Variants in ZC3H12B observed in about 807,000 individuals in gnomAD.
ZC3H12B encodes the protein zinc finger CCCH-type containing 12B, also known as probable ribonuclease ZC3H12B.
A neutral mutation model predicts 43.9 loss-of-function variants in ZC3H12B; 7 were observed. The ratio of observed to expected loss-of-function variants is 0.16; its 90% CI spans 0.09 to 0.30. ZC3H12B has a LOEUF of 0.30. Among genes scored for constraint, ZC3H12B ranks in the 10% least tolerant of loss-of-function variants. ZC3H12B has a pLI of 1.00. For synonymous variants in ZC3H12B, 222 were observed against 241.7 expected (o/e 0.92, Z 0.76); for missense variants, 475 against 670.2 (o/e 0.71, Z 3.22).
the ZC3H12B span, among the ~76,000 whole-genome samples, chrX:65,204,162 GC>G: frequency 9.4e-6 from 1 of 105,851 alleles, no homozygotes; most frequent in African/African-American, 4.0e-5. Context: ...CCTCTTCAGT[GC>G]CTTTTTAAGG....
At chrX:65,362,437 C>T (rs1447980357), upstream of ZC3H12B, among the ~76,000 whole-genome samples, 1 of 110,935 alleles carries the variant, frequency 9.0e-6, no homozygotes, top group Non-Finnish European at 1.9e-5. Context: ...TTTTAGTTAT[C>T]CCCACTTGCC....
chrX:65,369,950 C>T (rs187437267), intron 2 of ZC3H12B, among the ~76,000 whole-genome samples: 1 of 111,087 alleles, frequency 9.0e-6, no homozygotes, highest in Non-Finnish European at 1.9e-5. Flanking sequence ...AGGTACCTGG[C>T]CAGGCTTGGT....
At chrX:65,303,321 A>C in the ZC3H12B span, among the ~76,000 whole-genome samples, 1 of 111,663 alleles carries the variant, frequency 9.0e-6, no homozygotes, top group South Asian at 3.7e-4. Context: ...ACATGAATTT[A>C]CCTATATAAC....
At chrX:65,483,386 A>G (rs905625902) in intron 3 of ZC3H12B, among the ~76,000 whole-genome samples, 2 of 111,989 alleles carry the variant, frequency 1.8e-5, no homozygotes, top group Non-Finnish European at 3.8e-5. Flanking sequence ...ATAAAAATGG[A>G]AAGATTTGAA....
At chrX:65,264,562 A>G in the ZC3H12B span, among the ~76,000 whole-genome samples, 1 of 112,160 alleles carries the variant, frequency 8.9e-6, no homozygotes, top group Admixed American at 9.5e-5. Flanking sequence ...ATAACCAATA[A>G]TATTCATTAA....
chrX:65,173,669 A>C, the ZC3H12B span, among the ~76,000 whole-genome samples: 1 of 111,875 alleles, frequency 8.9e-6, no homozygotes, highest in African/African-American at 3.3e-5. Flanking sequence ...TTGTGCATCT[A>C]TTGAGATAAT....
the ZC3H12B span, among the ~76,000 whole-genome samples, chrX:65,339,859 C>T: frequency 2.3e-4 from 26 of 112,036 alleles, no homozygotes; most frequent in Non-Finnish European, 4.1e-4. Context: ...CCCAGGCCCA[C>T]GGCCACCCCC....
At chrX:65,302,300 A>G in the ZC3H12B span, among the ~76,000 whole-genome samples, 1 of 111,780 alleles carries the variant, frequency 8.9e-6, no homozygotes, top group Non-Finnish European at 1.9e-5. Context: ...CTTTTGAACT[A>G]AAAAGCAATT....
the ZC3H12B span, among the ~76,000 whole-genome samples, chrX:65,104,273 A>G: frequency 8.9e-6 from 1 of 112,262 alleles, no homozygotes; most frequent in African/African-American, 3.2e-5. Context: ...TTAATGCAAG[A>G]TGGATTATAG....
At chrX:65,477,930 AC>A (rs2068017092) in intron 3 of ZC3H12B, among the ~76,000 whole-genome samples, 1 of 107,442 alleles carries the variant, frequency 9.3e-6, no homozygotes, top group Non-Finnish European at 1.9e-5. Context: ...TGCCCTTCAG[AC>A]TAGGTAATCT....
At chrX:65,340,656 C>T in the ZC3H12B span, among the ~76,000 whole-genome samples, 79 of 111,952 alleles carry the variant, frequency 7.1e-4, no homozygotes, top group African/African-American at 2.3e-3. Flanking sequence ...CCTTATATCA[C>T]AATCACACCC....
At chrX:65,095,812 G>A in the ZC3H12B span, among the ~76,000 whole-genome samples, 1 of 111,010 alleles carries the variant, frequency 9.0e-6, no homozygotes, top group African/African-American at 3.3e-5. Flanking sequence ...GGATGAAATT[G>A]TGCAGCATTT....
the ZC3H12B span, among the ~76,000 whole-genome samples, chrX:65,118,048 C>G: frequency 9.0e-6 from 1 of 111,597 alleles, no homozygotes; most frequent in African/African-American, 3.3e-5. Flanking sequence ...AATGTGGGCT[C>G]TTTTTTGGTT....
the ZC3H12B span, among the ~76,000 whole-genome samples, chrX:65,181,165 TTTAA>T: frequency 2.3e-3 from 253 of 112,055 alleles, 1 homozygote; most frequent in African/African-American, 7.5e-3. Context: ...GGATTTTCTA[TTTAA>T]TTAATGGTGC....
At chrX:65,209,562 G>C in the ZC3H12B span, among the ~76,000 whole-genome samples, 1 of 105,230 alleles carries the variant, frequency 9.5e-6, no homozygotes, top group Non-Finnish European at 1.9e-5. Flanking sequence ...TATAATTTCT[G>C]TTCTTTTACA....
the ZC3H12B span, among the ~76,000 whole-genome samples, chrX:65,170,614 T>C: frequency 8.9e-6 from 1 of 112,084 alleles, no homozygotes; most frequent in Admixed American, 9.5e-5. Flanking sequence ...TCCTGGATAA[T>C]ATCCTGAAGA....
At chrX:65,353,718 A>G in the ZC3H12B span, among the ~76,000 whole-genome samples, 7 of 111,939 alleles carry the variant, frequency 6.3e-5, no homozygotes, top group Middle Eastern at 4.6e-3. Context: ...CACTGGCTTG[A>G]AATTCTCACT....
chrX:65,071,721 T>G, the ZC3H12B span, among the ~76,000 whole-genome samples: 3 of 111,936 alleles, frequency 2.7e-5, no homozygotes, highest in Non-Finnish European at 3.8e-5. Context: ...GCTTAGTTTT[T>G]CTGGATATGA....
chrX:65,229,653 T>A, the ZC3H12B span, among the ~76,000 whole-genome samples: 1 of 102,180 alleles, frequency 9.8e-6, no homozygotes, highest in Non-Finnish European at 2.0e-5. Flanking sequence ...AGGGCTAATA[T>A]CCAGAATCTA....
Sources: allele counts gnomAD v4.1 joint callset (sites outside exome capture counted in the v4.1 genomes callset), GRCh38; gene constraint gnomAD v4.1.1; transcripts MANE v1.5; gene names NCBI Gene and HGNC (gene_info 2026-07-23, HGNC 2026-07-21).